The following PCDHGA4 variants were observed in gnomAD, a reference collection of about 807,000 sequenced individuals.
The protein encoded by PCDHGA4 is protocadherin gamma subfamily A, 4, also known as protocadherin gamma-A4.
PCDHGA4 carries 38 observed loss-of-function variants against 54.6 expected under a neutral mutation model. That is an observed-to-expected ratio of 0.70 (90% CI 0.54 to 0.91). The LOEUF is 0.91. Ranked by LOEUF, PCDHGA4 falls within the 40% of genes least tolerant of loss-of-function variation. PCDHGA4 has a pLI of 0.00. For synonymous variants in PCDHGA4, 511 were observed against 512.9 expected (o/e 1.00, Z 0.05); for missense variants, 1,298 against 1,220.9 (o/e 1.06, Z -0.94).
intron 1 of PCDHGA4, chr5:141,375,368 A>C: frequency 1.2e-6 from 2 of 1,613,872 alleles, no homozygotes; most frequent in Non-Finnish European, 1.7e-6. Flanking sequence ...GGACAAAGGA[A>C]CACCACCTCT....
At position 141,431,338 on chromosome 5, in the gene PCDHGA4, A is replaced by G; in HGVS notation, c.2515-63469A>G. On this transcript the variant is annotated intron_variant, in intron 1 of 3. Transcript: ENST00000571252. This position sits in a 1 kb window ranked among gnomAD's most constrained non-coding sequence, Gnocchi z 4.8. ...GAGCCGACGGTAGTAAGTACCCCGA[A>G]TTGGTGCTGAAACGCGCCCTGGACC... 1 of 1,614,068 alleles carries G rather than the reference A, an allele frequency of 6.2e-7. No homozygotes were observed. The highest frequency in any genetic ancestry group is 8.5e-7 in the Non-Finnish European group (1 of 1,180,032).
intron 1 of PCDHGA4, chr5:141,399,285 C>G (rs751998465): frequency 6.2e-7 from 1 of 1,613,838 alleles, no homozygotes; most frequent in Non-Finnish European, 8.5e-7. Flanking sequence ...AAGGCGAAGT[C>G]CCTTTTAAGA....
chr5:141,355,846 G>A lies in PCDHGA4; in HGVS notation c.739G>A (p.Asp247Asn), dbSNP rs1176022573. 3.1e-6 allele frequency: 5 copies of A among 1,612,248 alleles called. No homozygotes were observed. The highest frequency in any genetic ancestry group is 1.7e-5 in the Admixed American group (1 of 59,728). Residue 247 changes from aspartate (D) to asparagine (N), a missense_variant, in exon 1 of 4, where the codon GAT (aspartate) becomes AAT (asparagine). By Grantham distance (23) the Asp-to-Asn change is conservative. Coordinates refer to ENST00000571252, the MANE Select transcript of PCDHGA4 (RefSeq NM_018917.4). ...TCACCACCTCGTTCTCACGGCCTTC[G>A]ATGGAGGTGACCCGGTTCGCTCTGG... The part of the protein sequence containing the change: ...AVHHLVLTAF[D>N]GGDPVRSGTA...
chr5:141,391,929 T>C (rs1035871197), intron 1 of PCDHGA4: 1 of 152,214 alleles, frequency 6.6e-6, no homozygotes, highest in African/African-American at 2.4e-5. Flanking sequence ...ATCTGTACCT[T>C]TCAAGTATTC....
Position 141,491,208 on chromosome 5 carries a change from C to A in PCDHGA4, c.2515-3599C>A. ...TGAGGGACAATGGTGACCCTTCACT[C>A]TCCTCCACAGCCACAGTGCTGCTGG... On this transcript the variant is annotated intron_variant, in intron 1 of 3. Coordinates refer to ENST00000571252, the MANE Select transcript of PCDHGA4 (RefSeq NM_018917.4). The surrounding 1 kb of genome is among the most constrained non-coding windows in gnomAD (Gnocchi z 6.9). The A allele has an allele frequency of 6.2e-7, 1 of 1,614,204 alleles. No homozygotes were observed. Among genetic ancestry groups the A allele is most frequent in the African/African-American group, 1.3e-5 (1 of 75,058 alleles).
intron 1 of PCDHGA4, among the ~76,000 whole-genome samples, chr5:141,401,626 C>T (rs1476531463): frequency 6.6e-6 from 1 of 152,174 alleles, no homozygotes; most frequent in Non-Finnish European, 1.5e-5. Flanking sequence ...TTTGTCTTAT[C>T]GTTTGGAGCT....
At chr5:141,375,609 C>T (rs755429700) in intron 1 of PCDHGA4, 8 of 1,614,226 alleles carry the variant, frequency 5.0e-6, no homozygotes, top group South Asian at 3.3e-5. Context: ...TCCATCAACT[C>T]CGACACTGGG....
intron 1 of PCDHGA4, chr5:141,420,054 G>A (rs1355002535): frequency 6.2e-7 from 1 of 1,614,070 alleles, no homozygotes; most frequent in East Asian, 2.2e-5. Context: ...TCAGTTCTCT[G>A]CTCCAAGTCC....
chr5:141,458,059 T>A (rs533147047), intron 1 of PCDHGA4, among the ~76,000 whole-genome samples: 1 of 152,238 alleles, frequency 6.6e-6, no homozygotes, highest in Admixed American at 6.5e-5. Flanking sequence ...CTTGCTGCAC[T>A]GATGCGAACA....
intron 1 of PCDHGA4, chr5:141,370,520 CA>C: frequency 6.2e-7 from 1 of 1,613,870 alleles, no homozygotes; most frequent in Non-Finnish European, 8.5e-7. Flanking sequence ...AGGAGCTGGA[CA>C]GGGGCTCGCT....
intron 1 of PCDHGA4, chr5:141,403,954 C>A: frequency 6.2e-7 from 1 of 1,613,800 alleles, no homozygotes; most frequent in Non-Finnish European, 8.5e-7. Flanking sequence ...CAAAAGTGCT[C>A]ATTTCGGTGG....
intron 1 of PCDHGA4, chr5:141,441,943 C>CT: frequency 1.2e-5 from 4 of 336,004 alleles, no homozygotes; most frequent in South Asian, 1.1e-4. Flanking sequence ...CTACCACGTG[C>CT]TGCAGGCCAG....
chr5:141,403,663 T>C (rs2094439679), intron 1 of PCDHGA4: 3 of 1,613,900 alleles, frequency 1.9e-6, no homozygotes, highest in African/African-American at 1.3e-5. Flanking sequence ...ATACAAATGA[T>C]AATGCCCCGG....
rs1370450155 is a variant in PCDHGA4, at chr5:141,431,480, G to T, written c.2515-63327G>T. On this transcript the variant is annotated intron_variant, in intron 1 of 3. Coordinates refer to ENST00000571252, the MANE Select transcript of PCDHGA4 (RefSeq NM_018917.4). This position sits in a 1 kb window ranked among gnomAD's most constrained non-coding sequence, Gnocchi z 4.8. Reference sequence around the variant, plus strand: ...TCTGGATGCGAACGACAACGCACCAGCGTTTGCTCAGCCCGAGTACCGCGC... The same window carrying T: ...TCTGGATGCGAACGACAACGCACCATCGTTTGCTCAGCCCGAGTACCGCGC... 3 of 1,613,924 alleles carry T rather than the reference G, an allele frequency of 1.9e-6. No individual in the cohort carries two copies. Among genetic ancestry groups the T allele is most frequent in the Non-Finnish European group, 2.5e-6 (3 of 1,179,990 alleles).
intron 1 of PCDHGA4, chr5:141,374,616 T>G: frequency 6.2e-7 from 1 of 1,613,518 alleles, no homozygotes; most frequent in South Asian, 1.1e-5. Flanking sequence ...AATAGTCACT[T>G]CTCAGTGGAC....
At chr5:141,376,199 G>T in intron 1 of PCDHGA4, 3 of 1,614,162 alleles carry the variant, frequency 1.9e-6, no homozygotes, top group Non-Finnish European at 2.5e-6. Flanking sequence ...CGTCTTCCTG[G>T]CCTTCGTCAT....
At chr5:141,390,299 A>G in intron 1 of PCDHGA4, 1 of 1,613,858 alleles carries the variant, frequency 6.2e-7, no homozygotes, top group Non-Finnish European at 8.5e-7. Context: ...TCCTTTAAGT[A>G]TAATTTAATG....
chr5:141,439,172 G>A (rs1181712838), intron 1 of PCDHGA4, among the ~76,000 whole-genome samples: 1 of 147,496 alleles, frequency 6.8e-6, no homozygotes, highest in Admixed American at 6.8e-5. Context: ...CAGCCTGGGC[G>A]ACATAGTGAG....
At chr5:141,372,003 C>T (rs552358423) in intron 1 of PCDHGA4, 1 of 1,613,296 alleles carries the variant, frequency 6.2e-7, no homozygotes, top group African/African-American at 1.3e-5. Flanking sequence ...GGCCCGCGAC[C>T]AGGGCTCGCC....
Sources: allele counts gnomAD v4.1 joint callset (sites outside exome capture counted in the v4.1 genomes callset), GRCh38; gene constraint gnomAD v4.1.1; non-coding constraint Gnocchi (gnomAD v3.1); transcripts MANE v1.5; gene names NCBI Gene and HGNC (gene_info 2026-07-23, HGNC 2026-07-21).